The following GSDMD variants were observed in gnomAD, a reference collection of about 807,000 sequenced individuals.
The protein encoded by GSDMD is gasdermin-D.
In GSDMD, 46 loss-of-function variants were observed where a neutral mutation model predicts 46.7. That is an observed-to-expected ratio of 0.99 (90% CI 0.78 to 1.26). The LOEUF is 1.26. Ranked by LOEUF, GSDMD falls within the 50% of genes most tolerant of loss-of-function variation. The pLI, the probability that GSDMD is intolerant of heterozygous loss-of-function variation, is 0.00. For missense variants in GSDMD, 649 were observed against 638.8 expected (o/e 1.02, Z -0.17); for synonymous variants, 307 against 283.1 (o/e 1.08, Z -0.85).
At chr8:143,561,209 A>G in intron 5 of GSDMD, 105 bp downstream of exon 5, 3 of 1,268,328 alleles carry the variant, frequency 2.4e-6, no homozygotes, top group Non-Finnish European at 3.4e-6. Flanking sequence ...CCCTGGCTGA[A>G]CAACGTCCTG....
At position 143,560,739 on chromosome 8, in the gene GSDMD, C is replaced by A; in HGVS notation, c.547C>A (p.Arg183=). The A allele has an allele frequency of 6.4e-7, 1 of 1,561,618 alleles. No individual in the cohort carries two copies. Among genetic ancestry groups the A allele is most frequent in the Non-Finnish European group, 8.7e-7 (1 of 1,153,190 alleles). The change falls in exon 4 of 11, where the codon CGG becomes AGG. Residue 183 remains arginine (R), a synonymous_variant. Coordinates refer to ENST00000262580, the MANE Select transcript of GSDMD (RefSeq NM_024736.7). ...CACCCACAAGCGGGAGGGCTCGGGC[C>A]GGTTTTCCCTGCCCGGAGCCACGTG... The part of the protein sequence containing the change: ...TRTHKREGSG[R]FSLPGATCLQ...
chr8:143,557,315 G>A (rs62523577), upstream of GSDMD, among the ~76,000 whole-genome samples: 69,196 of 108,666 alleles, frequency 0.64, 22,197 homozygotes, highest in East Asian at 0.75. Flanking sequence ...TGCCGCTATG[G>A]CGAAGGATGC....
chr8:143,561,213 C>G (rs528256988), intron 5 of GSDMD, 109 bp downstream of exon 5: 3 of 1,245,296 alleles, frequency 2.4e-6, no homozygotes, highest in Admixed American at 2.0e-5. Context: ...GGCTGAACAA[C>G]GTCCTGTGTC....
At chr8:143,558,663 T>C (rs528470275) in intron 1 of GSDMD, 1 of 584,528 alleles carries the variant, frequency 1.7e-6, no homozygotes, top group East Asian at 3.1e-5. Context: ...TGGGCTTGAC[T>C]CCCAGGTCCG....
chr8:143,558,230 ACGCGCGAGG>A (rs1427318842), upstream of GSDMD: 1 of 1,254,652 alleles, frequency 8.0e-7, no homozygotes, highest in African/African-American at 1.6e-5. Context: ...GTTCCTCCGG[ACGCGCGAGG>A]CTGGTGCTCC....
chr8:143,558,551 G>A (rs968482578), intron 1 of GSDMD, 100 bp downstream of exon 1: 22 of 1,205,630 alleles, frequency 1.8e-5, no homozygotes, highest in Non-Finnish European at 2.3e-5. Flanking sequence ...CTGCCCCAGC[G>A]TTCGCCCAGA....
upstream of GSDMD, chr8:143,558,338 G>A (rs889372749): frequency 1.2e-5 from 18 of 1,523,584 alleles, no homozygotes; most frequent in Admixed American, 1.4e-4. Context: ...CGGGCCCTGC[G>A]TCAGGTTGCA....
chr8:143,559,213 C>A, intron 1 of GSDMD, 119 bp from the exon 2 acceptor site: 1 of 673,520 alleles, frequency 1.5e-6, no homozygotes, highest in Non-Finnish European at 2.5e-6. Context: ...ATGAGCTGGG[C>A]AGGGCTGTTC....
chr8:143,558,280 G>A, upstream of GSDMD: 1 of 1,475,908 alleles, frequency 6.8e-7, no homozygotes, highest in Non-Finnish European at 8.9e-7. Context: ...GGGGCAGGAA[G>A]GGGGCCGGGG....
rs754051150 is a variant in GSDMD at position 143,561,808 on chromosome 8, G to A, written c.803G>A (p.Cys268Tyr). ...QLPSGLSMMR[C>Y]LHNFLTDGVP... The stretch of plus-strand genomic sequence containing the variant: ...CCCTCTGGCCTCTCCATGATGAGGT[G>A]CCTCCACAACTTCCTGACAGGTCAG... Residue 268 changes from cysteine to tyrosine, a missense_variant, in exon 7 of 11, where the codon TGC (cysteine) becomes TAC (tyrosine). Transcript: ENST00000262580. 1.2e-6 allele frequency: 2 copies of A among 1,610,778 alleles called. No homozygotes were observed. The highest frequency in any genetic ancestry group is 1.7e-6 in the Non-Finnish European group (2 of 1,179,004).
rs977179058 is a variant in GSDMD, at chr8:143,558,465, C to T, written c.-5+14C>T. 6.8e-6 allele frequency: 10 copies of T among 1,474,264 alleles called. No individual in the cohort carries two copies. The highest frequency in any genetic ancestry group is 2.4e-5 in the Admixed American group (1 of 42,374). The allele number at this position is 1,474,264 out of a possible 1,614,324, so 91.3% of individuals were successfully genotyped here. On this transcript the variant is annotated intron_variant, in intron 1 of 10. Transcript: ENST00000262580. ...CCGACGGTCACGGTGAGCTGCGCCC[C>T]GCCCCCTCCCCCGGCCTGGCTGGAG... is the stretch of plus-strand genomic sequence containing the variant.
At chr8:143,560,076 C>A in intron 3 of GSDMD, 107 bp downstream of exon 3, 1 of 1,103,644 alleles carries the variant, frequency 9.1e-7, no homozygotes, top group Non-Finnish European at 1.3e-6. Context: ...GTTTTGCTAT[C>A]TCGGCCAGGG....
rs750589318 is a variant in GSDMD, at chr8:143,561,889, G to A, written c.823+61G>A. 2.2e-4 allele frequency: 358 copies of A among 1,608,412 alleles called. 1 individual carries two copies. Among genetic ancestry groups the A allele is most frequent in the Middle Eastern group, 1.2e-3 (7 of 6,044 alleles). On this transcript the variant is annotated intron_variant, in intron 7 of 10. Transcript: ENST00000262580. ...TGGGCTCTCCTGCCCCCTGGGGTCTGCCTGTCCTGACCGAGGCTTTCCAGG... is the reference window on the plus strand; with the variant it reads ...TGGGCTCTCCTGCCCCCTGGGGTCTACCTGTCCTGACCGAGGCTTTCCAGG...
chr8:143,554,595 G>A (rs552099359), upstream of GSDMD, among the ~76,000 whole-genome samples: 13 of 143,574 alleles, frequency 9.1e-5, 1 homozygote, highest in Admixed American at 3.5e-4. Flanking sequence ...GTGCATACAC[G>A]CGCACAACGC....
chr8:143,560,867 G>T, intron 4 of GSDMD, 96 bp downstream of exon 4: 1 of 1,439,344 alleles, frequency 6.9e-7, no homozygotes, highest in South Asian at 1.4e-5. Flanking sequence ...AGGCCCCTCG[G>T]AGCAGCTCCC....
At chr8:143,558,978 A>ACACTCTGGCTGGGTTTTGCT in intron 1 of GSDMD, 1 of 568,436 alleles carries the variant, frequency 1.8e-6, no homozygotes. Context: ...TGGGTTTTGC[A>ACACTCTGGCTGGGTTTTGCT]GTGGGTCCCT....
At chr8:143,557,843 T>C (rs1823345013), upstream of GSDMD, 5 of 353,532 alleles carry the variant, frequency 1.4e-5, no homozygotes, top group Admixed American at 1.5e-4. Context: ...CTACATTTTG[T>C]ACATCTTTGG....
upstream of GSDMD, chr8:143,558,191 A>C (rs1823353050): frequency 1.2e-6 from 1 of 821,510 alleles, no homozygotes; most frequent in Non-Finnish European, 1.8e-6. Context: ...ATGAAGTTTG[A>C]GGCTACCAGG....
chr8:143,559,995 G>A, intron 3 of GSDMD, 26 bp downstream of exon 3: 4 of 1,602,706 alleles, frequency 2.5e-6, no homozygotes, highest in Non-Finnish European at 3.4e-6. Flanking sequence ...GCAGGGCAGG[G>A]CAGGGCCCCA....
Sources: allele counts gnomAD v4.1 joint callset (sites outside exome capture counted in the v4.1 genomes callset), GRCh38; gene constraint gnomAD v4.1.1; transcripts MANE v1.5; gene names NCBI Gene and HGNC (gene_info 2026-07-23, HGNC 2026-07-21).